The following PHF24 variants were observed in gnomAD, a reference collection of about 807,000 sequenced individuals.
The protein encoded by PHF24 is PHD finger protein 24.
Under a neutral mutation model 42.6 loss-of-function variants are expected in PHF24, and 25 were observed. That is an observed-to-expected ratio of 0.59 (90% CI 0.43 to 0.82). The LOEUF (loss-of-function observed/expected upper bound fraction) is 0.82. Ranked by LOEUF, PHF24 falls within the 40% of genes least tolerant of loss-of-function variation. PHF24 has a pLI of 0.00. For missense variants in PHF24, 470 were observed against 538.1 expected (o/e 0.87, Z 1.25); for synonymous variants, 185 against 204.8 (o/e 0.90, Z 0.83).
chr9:34,803,410 A>C, the PHF24 span, among the ~76,000 whole-genome samples: 1 of 151,386 alleles, frequency 6.6e-6, no homozygotes, highest in East Asian at 2.0e-4. Flanking sequence ...AAAAAAAAAA[A>C]AGCAGCAGCC....
chr9:34,973,593 G>C (rs1827082442), intron 3 of PHF24, among the ~76,000 whole-genome samples: 1 of 152,168 alleles, frequency 6.6e-6, no homozygotes, highest in Non-Finnish European at 1.5e-5. Context: ...AGGAGCACCT[G>C]CTGATCCCCC....
the PHF24 span, among the ~76,000 whole-genome samples, chr9:34,887,143 C>T: frequency 6.6e-6 from 1 of 152,118 alleles, no homozygotes; most frequent in Admixed American, 6.6e-5. Context: ...TAATTGTCCA[C>T]ATCCAATCTA....
At chr9:34,895,601 A>C in the PHF24 span, 83,277 of 398,826 alleles carry the variant, frequency 0.21, 9,880 homozygotes, top group East Asian at 0.46. Flanking sequence ...CCTGTTAGGT[A>C]CCAAGCTTAA....
intron 3 of PHF24, among the ~76,000 whole-genome samples, chr9:34,975,189 G>A (rs984616042): frequency 6.6e-6 from 1 of 152,196 alleles, no homozygotes; most frequent in Admixed American, 6.5e-5. Context: ...GGGTATTGGA[G>A]GTACTTCATA....
At chr9:34,882,023 T>C in the PHF24 span, among the ~76,000 whole-genome samples, 1 of 152,164 alleles carries the variant, frequency 6.6e-6, no homozygotes, top group Non-Finnish European at 1.5e-5. Flanking sequence ...CACAATCAAG[T>C]TGGTTTCATC....
chr9:34,727,410 A>T, the PHF24 span, among the ~76,000 whole-genome samples: 1 of 152,236 alleles, frequency 6.6e-6, no homozygotes, highest in African/African-American at 2.4e-5. Context: ...TCCAAGCTGT[A>T]GAAAATGAGG....
At chr9:34,821,842 G>T in the PHF24 span, among the ~76,000 whole-genome samples, 4 of 152,264 alleles carry the variant, frequency 2.6e-5, no homozygotes, top group African/African-American at 9.6e-5. Flanking sequence ...TCTAGTATCA[G>T]AGGTAAAGAC....
the PHF24 span, among the ~76,000 whole-genome samples, chr9:34,927,289 C>T: frequency 2.0e-5 from 3 of 152,244 alleles, no homozygotes; most frequent in South Asian, 4.1e-4. Context: ...TTCAGCCAAC[C>T]GTGTGGTGTG....
At chr9:34,771,848 C>T in the PHF24 span, among the ~76,000 whole-genome samples, 1 of 152,116 alleles carries the variant, frequency 6.6e-6, no homozygotes, top group Non-Finnish European at 1.5e-5. Context: ...GTGCATTTCT[C>T]CAAGGGTAAG....
At chr9:34,689,425 C>G in the PHF24 span, 3 of 205,620 alleles carry the variant, frequency 1.5e-5, no homozygotes, top group Admixed American at 1.6e-4. The surrounding 1 kb of genome is among the most constrained non-coding windows in gnomAD (Gnocchi z 4.1). Context: ...CCACCTCCCC[C>G]TTCCTATTCC....
At chr9:34,857,971 GGT>G in the PHF24 span, among the ~76,000 whole-genome samples, 42,804 of 109,468 alleles carry the variant, frequency 0.39, 6,418 homozygotes, top group East Asian at 0.63. Context: ...TTGTTTCTCT[GGT>G]TTTTTTTTTT....
the PHF24 span, among the ~76,000 whole-genome samples, chr9:34,767,624 A>C: frequency 2.6e-5 from 4 of 152,220 alleles, no homozygotes; most frequent in African/African-American, 9.6e-5. Context: ...TTCTTTGACT[A>C]GGAAAGGGAA....
chr9:34,784,861 A>T, the PHF24 span, among the ~76,000 whole-genome samples: 1 of 152,236 alleles, frequency 6.6e-6, no homozygotes, highest in South Asian at 2.1e-4. Context: ...GATCATTTAT[A>T]TTGAGTCAAC....
At chr9:34,917,962 A>T in the PHF24 span, 1 of 1,502,658 alleles carries the variant, frequency 6.7e-7, no homozygotes, top group Non-Finnish European at 9.3e-7. Flanking sequence ...GCCATGTGGG[A>T]GGAGAATGGT....
chr9:34,811,924 A>C, the PHF24 span, among the ~76,000 whole-genome samples: 4 of 152,234 alleles, frequency 2.6e-5, no homozygotes, highest in Non-Finnish European at 5.9e-5. Context: ...CAGTATATAT[A>C]AAGAACCCTA....
the PHF24 span, among the ~76,000 whole-genome samples, chr9:34,883,507 C>G: frequency 3.3e-5 from 5 of 152,146 alleles, no homozygotes; most frequent in Non-Finnish European, 7.3e-5. Context: ...TGAACTCAAA[C>G]AAATTTACAA....
At chr9:34,799,206 G>A in the PHF24 span, among the ~76,000 whole-genome samples, 2 of 152,128 alleles carry the variant, frequency 1.3e-5, no homozygotes. Context: ...AAACAGAGAA[G>A]ACTTCCAGAA....
chr9:34,976,228 C>T, exon 4 of PHF24: 2 of 1,613,386 alleles, frequency 1.2e-6, no homozygotes, highest in Non-Finnish European at 1.7e-6. Context: ...AAAGTCATCC[C>T]TGGTAAGGTT....
At chr9:34,774,626 T>C in the PHF24 span, among the ~76,000 whole-genome samples, 3 of 151,888 alleles carry the variant, frequency 2.0e-5, no homozygotes, top group Non-Finnish European at 4.4e-5. Flanking sequence ...ACAAAAAAAT[T>C]ACTGGGAGCG....
Sources: allele counts gnomAD v4.1 joint callset (sites outside exome capture counted in the v4.1 genomes callset), GRCh38; gene constraint gnomAD v4.1.1; non-coding constraint Gnocchi (gnomAD v3.1); transcripts MANE v1.5; gene names NCBI Gene and HGNC (gene_info 2026-07-23, HGNC 2026-07-21).